ITGB1: variants seen among roughly 807,000 people sequenced by gnomAD.
ITGB1 encodes the protein integrin subunit beta 1, also known as integrin beta-1.
A neutral mutation model predicts 86.5 loss-of-function variants in ITGB1; 24 were observed. The observed-to-expected ratio is 0.28, with a 90% confidence interval of 0.20 to 0.39. ITGB1 has a LOEUF of 0.39. Ranked by LOEUF, ITGB1 falls within the 10% of genes least tolerant of loss-of-function variation. The probability of loss-of-function intolerance (pLI) is 1.00; values close to 1 mark genes in which losing one functional copy is unlikely to be tolerated. For missense variants in ITGB1, 556 were observed against 946.9 expected, an observed-to-expected ratio of 0.59 and a Z score of 5.42; for synonymous variants, 323 against 316.8, an observed-to-expected ratio of 1.02 and a Z score of -0.21.
intron 1 of ITGB1, among the ~76,000 whole-genome samples, chr10:32,939,805 A>G (rs946777245): frequency 6.6e-6 from 1 of 152,166 alleles, no homozygotes; most frequent in African/African-American, 2.4e-5. Flanking sequence ...ACACACACTG[A>G]ACAGGACATT....
chr10:32,937,065 T>A (rs1434265411), intron 1 of ITGB1, among the ~76,000 whole-genome samples: 2 of 152,084 alleles, frequency 1.3e-5, no homozygotes, highest in African/African-American at 4.8e-5. Flanking sequence ...CCTCTAATAA[T>A]CCAGCTACTG....
In ITGB1 at chr10:32,907,085, C is replaced by T. The variant is rs374662002; in HGVS notation, c.2331+1283G>A. On this transcript the variant is annotated intron_variant, in intron 15 of 15. Coordinates refer to ENST00000302278, the MANE Select transcript of ITGB1 (RefSeq NM_002211.4). ...AACGGCAATTTAGAGACCAGCTTTACGTCCGTAGTTTGGATTCTTGAAATT... is the reference window on the plus strand; with the variant it reads ...AACGGCAATTTAGAGACCAGCTTTATGTCCGTAGTTTGGATTCTTGAAATT... 153 of 1,358,898 alleles carry T rather than the reference C, an allele frequency of 1.1e-4. 2 individuals carry two copies. The South Asian group carries it at 1.3e-3, about 11-fold the overall frequency. The allele number at this position is 1,358,898 out of a possible 1,614,324, so 84.2% of individuals were successfully genotyped here. A position where few individuals can be genotyped will look rare whatever the true frequency, so the allele number is the denominator to read the frequency against.
In ITGB1 at chr10:32,918,437, T is replaced by C. The variant is rs534223483; in HGVS notation, c.1469+1448A>G. Among the ~76,000 whole-genome samples, 4 of 152,196 alleles carry C rather than the reference T, an allele frequency of 2.6e-5. No individual in the cohort carries two copies. In the South Asian group the frequency reaches 8.3e-4, roughly 32 times the overall value. On this transcript the variant is annotated intron_variant, in intron 11 of 15. Coordinates refer to ENST00000302278, the MANE Select transcript of ITGB1 (RefSeq NM_002211.4). The stretch of plus-strand genomic sequence containing the variant: ...GAAAATAAAACTATAAAAAATCTCT[T>C]CAAGCTCCTAATCTGTTAGGTGGGA...
rs772672610 is a variant in ITGB1 at position 32,928,245 on chromosome 10, T to C, written c.396A>G (p.Thr132=). The change falls in exon 5 of 16, where the codon ACA becomes ACG. Residue 132 remains threonine, a synonymous_variant. Coordinates refer to ENST00000302278, the MANE Select transcript of ITGB1 (RefSeq NM_002211.4). ...AGTCTTCAGCTCTCTTGAATTTTAA[T>C]GTAAATGTCTGTGGCTCCCCTAATT... ...RLRSGEPQTF[T]LKFKRAEDYP... The C allele has an allele frequency of 5.7e-6, 5 of 884,932 alleles. No individual in the cohort carries two copies. The highest frequency in any genetic ancestry group is 4.9e-5 in the African/African-American group (3 of 61,082). The allele number at this position is 884,932 out of a possible 1,614,324, so 54.8% of individuals were successfully genotyped here.
intron 15 of ITGB1, among the ~76,000 whole-genome samples, chr10:32,905,753 G>T (rs2094894444): frequency 6.6e-6 from 1 of 152,298 alleles, no homozygotes; most frequent in South Asian, 2.1e-4. Flanking sequence ...TCAGAATCAT[G>T]CCTGAGACAC....
chr10:32,932,722 C>T, intron 2 of ITGB1, 122 bp from the exon 3 acceptor site: 1 of 616,594 alleles, frequency 1.6e-6, no homozygotes, highest in Non-Finnish European at 2.9e-6. Flanking sequence ...GACCTAGTTA[C>T]CATCTAAACT....
At position 32,922,688 on chromosome 10, in the gene ITGB1, A is replaced by G; in HGVS notation, c.990T>C (p.Asn330=). 6.2e-7 allele frequency: 1 copy of G among 1,607,460 alleles called. No homozygotes were observed. The highest frequency in any genetic ancestry group is 1.1e-5 in the South Asian group (1 of 90,484). Residue 330 remains asparagine (N), a synonymous_variant, in exon 8 of 16, where the codon AAT becomes AAC. Coordinates refer to ENST00000302278, the MANE Select transcript of ITGB1 (RefSeq NM_002211.4). ...AHLVQKLSEN[N]IQTIFAVTEE... is the part of the protein sequence containing the mutation. ...CAGTAACTGCAAAAATTGTCTGAAT[A>G]TTATTTTCACTCAGTTTCTGGACAA... is the stretch of plus-strand genomic sequence containing the variant.
At chr10:32,924,619 C>G (rs1047069806) in intron 6 of ITGB1, among the ~76,000 whole-genome samples, 1 of 152,046 alleles carries the variant, frequency 6.6e-6, no homozygotes, top group Non-Finnish European at 1.5e-5. Flanking sequence ...TGTTTAATAC[C>G]ACAGGTTAAG....
At chr10:32,930,675 G>C (rs2094980549) in intron 3 of ITGB1, among the ~76,000 whole-genome samples, 1 of 151,974 alleles carries the variant, frequency 6.6e-6, no homozygotes, top group South Asian at 2.1e-4. Flanking sequence ...TATATGACAA[G>C]GGTAAAAGGA....
intron 1 of ITGB1, among the ~76,000 whole-genome samples, chr10:32,946,142 A>G (rs2095030868): frequency 6.6e-6 from 1 of 152,206 alleles, no homozygotes; most frequent in African/African-American, 2.4e-5. Flanking sequence ...TTTTGATCCA[A>G]ATATATGATC....
intron 15 of ITGB1, among the ~76,000 whole-genome samples, chr10:32,904,259 A>G (rs2094890291): frequency 6.6e-6 from 1 of 152,214 alleles, no homozygotes; most frequent in African/African-American, 2.4e-5. Context: ...AGTTTCCATC[A>G]TTCAGAGTGC....
chr10:32,919,075 C>G (rs2094940735), intron 11 of ITGB1, among the ~76,000 whole-genome samples: 1 of 152,144 alleles, frequency 6.6e-6, no homozygotes, highest in African/African-American at 2.4e-5. Flanking sequence ...ATGATTAAAA[C>G]AGGATATGTA....
chr10:32,925,498 G>A (rs967349783), intron 6 of ITGB1, among the ~76,000 whole-genome samples: 3 of 152,178 alleles, frequency 2.0e-5, no homozygotes, highest in African/African-American at 7.2e-5. Flanking sequence ...GGTTCCTGGT[G>A]ATGCCTCAGA....
At chr10:32,935,603 T>C (rs2137240238) in intron 1 of ITGB1, 45 bp from the exon 2 acceptor site, 2 of 1,349,878 alleles carry the variant, frequency 1.5e-6, no homozygotes, top group South Asian at 1.2e-5. Flanking sequence ...AGAAATAAAA[T>C]GAAAAATGCA....
intron 15 of ITGB1, among the ~76,000 whole-genome samples, chr10:32,901,847 G>A (rs754631059): frequency 6.6e-6 from 1 of 152,172 alleles, no homozygotes; most frequent in African/African-American, 2.4e-5. Flanking sequence ...ATGATGCCCC[G>A]TTATCTGGTG....
chr10:32,914,458 G>C (rs1256368112), intron 11 of ITGB1, among the ~76,000 whole-genome samples: 2 of 152,092 alleles, frequency 1.3e-5, no homozygotes, highest in Non-Finnish European at 2.9e-5. Flanking sequence ...CAAAATAAAG[G>C]GATGAAGGAA....
intron 1 of ITGB1, 151 bp from the exon 2 acceptor site, chr10:32,935,709 C>T (rs1419294829): frequency 8.5e-6 from 5 of 590,492 alleles, no homozygotes; most frequent in Admixed American, 2.8e-5. Context: ...CACAGACCCT[C>T]GCCCATCTCC....
intron 1 of ITGB1, among the ~76,000 whole-genome samples, chr10:32,949,568 TA>T (rs2095038790): frequency 6.6e-6 from 1 of 152,184 alleles, no homozygotes; most frequent in African/African-American, 2.4e-5. Flanking sequence ...CATTTCACCT[TA>T]AGGTCATTTT....
chr10:32,907,732 T>C (rs1346393030), intron 15 of ITGB1, among the ~76,000 whole-genome samples: 1 of 151,964 alleles, frequency 6.6e-6, no homozygotes, highest in Non-Finnish European at 1.5e-5. Context: ...AGCAGGGGTG[T>C]CCAATCTTTT....
Sources: gnomAD v4.1 joint callset for allele counts (sites outside exome capture counted in the v4.1 genomes callset) on GRCh38, gnomAD v4.1.1 for gene constraint, MANE v1.5 for transcripts, NCBI Gene and HGNC (gene_info 2026-07-23, HGNC 2026-07-21) for gene names.